XPNPEP1: variants seen among roughly 807,000 people sequenced by gnomAD.
The protein encoded by XPNPEP1 is X-prolyl aminopeptidase 1.
In XPNPEP1, 39 loss-of-function variants were observed where a neutral mutation model predicts 92.4. That is an observed-to-expected ratio of 0.42 (90% CI 0.33 to 0.55). The LOEUF is 0.55. Among genes scored for constraint, XPNPEP1 ranks in the 20% least tolerant of loss-of-function variants. XPNPEP1 has a pLI of 0.08. For missense variants in XPNPEP1, 654 were observed against 856.1 expected, an observed-to-expected ratio of 0.76 and a Z score of 2.95; for synonymous variants, 307 against 299.4, an observed-to-expected ratio of 1.03 and a Z score of -0.26.
chr10:109,874,379 T>C lies in XPNPEP1; in HGVS notation c.1392-952A>G, dbSNP rs577287102. ...CCTGTTAGAACAGCAGGGGGTTTCC[T>C]GGACAGAGACCCTAAAAATATCCAA... On this transcript the variant is annotated intron_variant, in intron 15 of 20. Transcript: ENST00000502935. Among the ~76,000 whole-genome samples the C allele has an allele frequency of 5.9e-5, 9 of 152,340 alleles. No individual in the cohort carries two copies. In the East Asian group the frequency reaches 1.7e-3, roughly 29 times the overall value.
intron 3 of XPNPEP1, among the ~76,000 whole-genome samples, chr10:109,896,212 A>G (rs149502184): frequency 1.1e-3 from 163 of 152,092 alleles, no homozygotes; most frequent in African/African-American, 3.8e-3. Flanking sequence ...CTACCCAGCT[A>G]TAATAGCCAC....
chr10:109,866,489 T>G (rs1356309272), intron 20 of XPNPEP1, among the ~76,000 whole-genome samples: 1 of 152,112 alleles, frequency 6.6e-6, no homozygotes, highest in Non-Finnish European at 1.5e-5. Flanking sequence ...CCAAAGCAGC[T>G]CAACAGTAAG....
chr10:109,902,439 C>A (rs1564782397), intron 3 of XPNPEP1, among the ~76,000 whole-genome samples: 1 of 152,208 alleles, frequency 6.6e-6, no homozygotes, highest in East Asian at 1.9e-4. Context: ...TAGTAAGTAG[C>A]AAATCTGGCA....
chr10:109,888,660 AG>A, intron 5 of XPNPEP1, 65 bp from the exon 6 acceptor site: 1 of 1,319,504 alleles, frequency 7.6e-7, no homozygotes, highest in Non-Finnish European at 1.0e-6. Context: ...CCCACCAGAA[AG>A]ATACAATTCT....
intron 3 of XPNPEP1, among the ~76,000 whole-genome samples, chr10:109,897,653 T>A (rs1849055411): frequency 7.0e-6 from 1 of 142,882 alleles, no homozygotes; most frequent in African/African-American, 2.6e-5. Flanking sequence ...TGAACTCAGG[T>A]CTGACTTTTT....
intron 1 of XPNPEP1, among the ~76,000 whole-genome samples, chr10:109,920,059 AAG>A (rs1850452996): frequency 6.6e-6 from 1 of 152,156 alleles, no homozygotes; most frequent in Non-Finnish European, 1.5e-5. Flanking sequence ...AAAGAAAAGA[AAG>A]AAATCACACC....
chr10:109,896,157 T>C (rs138140600), intron 3 of XPNPEP1, among the ~76,000 whole-genome samples: 2 of 152,160 alleles, frequency 1.3e-5, no homozygotes, highest in South Asian at 4.1e-4. Flanking sequence ...TTCTCATCAT[T>C]ACATTTGAGA....
chr10:109,872,845 T>C (rs1847563550), intron 16 of XPNPEP1, among the ~76,000 whole-genome samples: 2 of 152,308 alleles, frequency 1.3e-5, no homozygotes, highest in East Asian at 1.9e-4. Flanking sequence ...AGCTAGTAAA[T>C]GGCACAGAAG....
chr10:109,888,347 C>T (rs1848513693), intron 6 of XPNPEP1, 155 bp from the exon 7 acceptor site: 1 of 1,232,192 alleles, frequency 8.1e-7, no homozygotes, highest in Non-Finnish European at 1.1e-6. Context: ...CACATCTTCA[C>T]CACCAGTGGA....
chr10:109,910,605 T>C (rs1190109107), intron 2 of XPNPEP1, among the ~76,000 whole-genome samples: 1 of 152,066 alleles, frequency 6.6e-6, no homozygotes, highest in Non-Finnish European at 1.5e-5. Context: ...GATTGCTTGA[T>C]AGCTCATTTT....
intron 8 of XPNPEP1, among the ~76,000 whole-genome samples, chr10:109,885,328 T>C (rs1848329604): frequency 6.6e-6 from 1 of 152,256 alleles, no homozygotes; most frequent in African/African-American, 2.4e-5. Context: ...TATAAAATGA[T>C]ATATGCATAG....
At chr10:109,899,539 C>T (rs558892386) in intron 3 of XPNPEP1, among the ~76,000 whole-genome samples, 2 of 152,320 alleles carry the variant, frequency 1.3e-5, no homozygotes, top group South Asian at 2.1e-4. Context: ...GATGTGTTAC[C>T]ACAGCTAGCA....
intron 5 of XPNPEP1, among the ~76,000 whole-genome samples, chr10:109,888,825 G>A (rs1384024043): frequency 6.6e-6 from 1 of 152,152 alleles, no homozygotes; most frequent in Non-Finnish European, 1.5e-5. Flanking sequence ...GGGTGAGACA[G>A]AAGGGAAAAA....
In XPNPEP1 at chr10:109,896,273, CTT is replaced by C. The variant is rs57532455; in HGVS notation, c.247-3200_247-3199del. 9.8e-4 allele frequency among the ~76,000 whole-genome samples: 133 copies of C among 135,752 alleles called. 1 individual carries two copies. The highest frequency in any genetic ancestry group is 3.4e-3 in the African/African-American group (123 of 36,428). 89.1% of individuals were successfully genotyped at this position (135,752 alleles called of 152,430 possible). On this transcript the variant is annotated intron_variant, in intron 3 of 20. Transcript: ENST00000502935. ...GCACACACATACTCTAGATATTTGT[CTT>C]TTTTTTTTTTTTTTTCTTTTGGAGA...
chr10:109,903,676 A>T (rs778371294), intron 3 of XPNPEP1, among the ~76,000 whole-genome samples: 14 of 152,100 alleles, frequency 9.2e-5, no homozygotes, highest in Non-Finnish European at 1.9e-4. Flanking sequence ...AAAAAACAAA[A>T]TTCCTTGAAG....
intron 1 of XPNPEP1, among the ~76,000 whole-genome samples, chr10:109,920,195 A>G (rs537544845): frequency 6.6e-6 from 1 of 152,348 alleles, no homozygotes; most frequent in East Asian, 1.9e-4. Flanking sequence ...CAGGAAGTAG[A>G]CATGCAGTGT....
intron 18 of XPNPEP1, 49 bp from the exon 19 acceptor site, chr10:109,870,078 G>C: frequency 6.3e-7 from 1 of 1,595,876 alleles, no homozygotes; most frequent in Non-Finnish European, 8.6e-7. Context: ...CGATGAAGAT[G>C]TCTACAGAGA....
intron 20 of XPNPEP1, among the ~76,000 whole-genome samples, chr10:109,868,310 C>A (rs1847251348): frequency 6.6e-6 from 1 of 151,904 alleles, no homozygotes; most frequent in Non-Finnish European, 1.5e-5. Flanking sequence ...CGCCTCACTG[C>A]AGCTATGGAG....
At chr10:109,894,552 T>TAAAAAA (rs5787825) in intron 3 of XPNPEP1, among the ~76,000 whole-genome samples, 1 of 121,888 alleles carries the variant, frequency 8.2e-6, no homozygotes. Flanking sequence ...AAACAAAAAT[T>TAAAAAA]AAAAAAAAAA....
Sources: gnomAD v4.1 joint callset for allele counts (sites outside exome capture counted in the v4.1 genomes callset) on GRCh38, gnomAD v4.1.1 for gene constraint, MANE v1.5 for transcripts, NCBI Gene and HGNC (gene_info 2026-07-23, HGNC 2026-07-21) for gene names.